Variants in GPD2 observed in about 807,000 individuals in gnomAD.
The protein encoded by GPD2 is glycerol-3-phosphate dehydrogenase 2, also known as glycerol-3-phosphate dehydrogenase, mitochondrial.
GPD2 carries 54 observed loss-of-function variants against 82.4 expected under a neutral mutation model. That is an observed-to-expected ratio of 0.66 (90% confidence interval 0.53 to 0.82). The LOEUF is 0.82. Ranked by LOEUF, GPD2 falls within the 40% of genes least tolerant of loss-of-function variation. The pLI is 0.00. For synonymous variants in GPD2, 288 were observed against 306.1 expected (o/e 0.94, Z 0.62); for missense variants, 748 against 896.2 (o/e 0.83, Z 2.11).
In GPD2 at chr2:156,510,823, A is replaced by G. The variant is rs199507721; in HGVS notation, c.302A>G (p.Asp101Gly). The G allele has an allele frequency of 9.9e-5, 160 of 1,613,208 alleles. No homozygotes were observed. In the African/African-American group the frequency reaches 1.7e-3, roughly 17 times the overall value. ...CTAAAAACAGCCCTTGTAGAAAGAG[A>G]TGATTTCTCATCAGGGACCAGCAGC... Reference protein sequence around the residue: ...RGLKTALVERDDFSSGTSSRS... With the variant: ...RGLKTALVERGDFSSGTSSRS... Residue 101 changes from aspartate (D) to glycine (G), a missense_variant, in exon 4 of 17, where the codon GAT (aspartate) becomes GGT (glycine). By Grantham distance (94) the Asp-to-Gly change is moderately conservative (BLOSUM62 -1). This residue lies in a region of GPD2 where 692 missense variants were observed against 809.7 expected (regional missense o/e 0.85). Transcript: ENST00000438166.
intron 1 of GPD2, among the ~76,000 whole-genome samples, chr2:156,442,067 TG>T (rs1682194595): frequency 6.6e-6 from 1 of 152,230 alleles, no homozygotes; most frequent in Admixed American, 6.5e-5. Flanking sequence ...TCAAGCCTTA[TG>T]TTTTTTGAAT....
At chr2:156,407,280 A>C in the GPD2 span, among the ~76,000 whole-genome samples, 1 of 152,190 alleles carries the variant, frequency 6.6e-6, no homozygotes, top group Non-Finnish European at 1.5e-5. Context: ...GGATATAAAC[A>C]TTGCAACTTT....
At chr2:156,549,210 C>A (rs926364482) in intron 6 of GPD2, among the ~76,000 whole-genome samples, 2 of 152,206 alleles carry the variant, frequency 1.3e-5, no homozygotes, top group African/African-American at 4.8e-5. Context: ...TGTTCATCAA[C>A]ACCAGTTGGG....
rs1029597506 is a variant in GPD2 at position 156,498,913 on chromosome 2, C to T, written c.274+2698C>T. Among the ~76,000 whole-genome samples the T allele has an allele frequency of 3.9e-5, 6 of 152,088 alleles. No individual in the cohort carries two copies. In the East Asian group the frequency reaches 1.2e-3, roughly 29 times the overall value. On this transcript the variant is annotated intron_variant, in intron 3 of 16. Coordinates refer to ENST00000438166, the MANE Select transcript of GPD2 (RefSeq NM_000408.5). ...GCTAGGGGAGAAGAACCTTAATATGCAAGTATTAGGTTGTCATTACTTTTA... is the reference window on the plus strand; with the variant it reads ...GCTAGGGGAGAAGAACCTTAATATGTAAGTATTAGGTTGTCATTACTTTTA...
At position 156,583,396 on chromosome 2, in the gene GPD2, T is replaced by TA. The variant is rs1230191746; in HGVS notation, c.*479dup. The TA allele has an allele frequency of 5.6e-6, 1 of 179,508 alleles. No homozygotes were observed. The highest frequency in any genetic ancestry group is 5.5e-5 in the Admixed American group (1 of 18,250). The allele number at this position is 179,508 out of a possible 1,614,324, so 11.1% of individuals were successfully genotyped here. On this transcript the variant is annotated 3_prime_UTR_variant, in exon 17 of 17. Coordinates refer to ENST00000438166, the MANE Select transcript of GPD2 (RefSeq NM_000408.5). Reference sequence around the variant, plus strand: ...GACAGCATGTGTTATTAAAAAGAGTTACCTATTGAAATGATAGTGTTTCTG... The same window carrying TA: ...GACAGCATGTGTTATTAAAAAGAGTTAACCTATTGAAATGATAGTGTTTCTG...
chr2:156,407,466 T>G, the GPD2 span, among the ~76,000 whole-genome samples: 2 of 152,212 alleles, frequency 1.3e-5, no homozygotes, highest in Admixed American at 1.3e-4. Context: ...TTTTAGTGGC[T>G]CTATGTTCAT....
chr2:156,434,840 A>C (rs1322384011), upstream of GPD2, among the ~76,000 whole-genome samples: 1 of 152,224 alleles, frequency 6.6e-6, no homozygotes, highest in Non-Finnish European at 1.5e-5. Context: ...TCTATGAATC[A>C]GGTCACTGGA....
the GPD2 span, among the ~76,000 whole-genome samples, chr2:156,408,554 C>G: frequency 4.7e-4 from 71 of 151,534 alleles, no homozygotes; most frequent in African/African-American, 1.7e-3. Flanking sequence ...AGGGAGACCA[C>G]CCCCTGCCCA....
chr2:156,548,415 A>T (rs1483336510), intron 6 of GPD2, among the ~76,000 whole-genome samples: 1 of 152,170 alleles, frequency 6.6e-6, no homozygotes. Flanking sequence ...GAGGTTTAAC[A>T]TAAGTTCTCC....
At chr2:156,449,421 A>G (rs1418493362) in intron 1 of GPD2, among the ~76,000 whole-genome samples, 1 of 152,164 alleles carries the variant, frequency 6.6e-6, no homozygotes, top group East Asian at 1.9e-4. Context: ...AATTAAATTA[A>G]AATTAATTAA....
the GPD2 span, among the ~76,000 whole-genome samples, chr2:156,415,741 G>C: frequency 6.6e-6 from 1 of 152,104 alleles, no homozygotes; most frequent in Non-Finnish European, 1.5e-5. Context: ...TATAATCCCA[G>C]CTACTCAGGA....
At chr2:156,540,582 T>G (rs1686269609) in intron 6 of GPD2, among the ~76,000 whole-genome samples, 1 of 152,242 alleles carries the variant, frequency 6.6e-6, no homozygotes. Context: ...TTTCTCAGGA[T>G]GCCAAATTTA....
Position 156,584,205 on chromosome 2 carries a change from G to C in GPD2, c.*1287G>C, listed in dbSNP as rs988434117. 6.6e-6 allele frequency: 1 copy of C among 151,972 alleles called. No individual in the cohort carries two copies. The highest frequency in any genetic ancestry group is 6.6e-5 in the Admixed American group (1 of 15,228). The allele number at this position is 151,972 out of a possible 1,614,324, so 9.4% of individuals were successfully genotyped here. A position where few individuals can be genotyped will look rare whatever the true frequency, so the allele number is the denominator to read the frequency against. On this transcript the variant is annotated 3_prime_UTR_variant, in exon 17 of 17. Coordinates refer to ENST00000438166, the MANE Select transcript of GPD2 (RefSeq NM_000408.5). ...TTTGGGATGCTTTTGCTACATTTTG[G>C]TGGCATTTTAACTAGTTATCTGAAT...
chr2:156,495,644 C>T lies in GPD2; in HGVS notation c.103-400C>T, dbSNP rs1301364315. 8.9e-6 allele frequency: 4 copies of T among 447,976 alleles called. 1 individual carries two copies. The highest frequency in any genetic ancestry group is 5.1e-5 in the South Asian group (3 of 59,268). 27.8% of individuals were successfully genotyped at this position (447,976 alleles called of 1,614,324 possible). On this transcript the variant is annotated intron_variant, in intron 2 of 16. Transcript: ENST00000438166. ...GGAAAGACATGAAGTCCTTTTTCCTCCTCCTTCACCACTTTAATATGTCAT... is the reference window on the plus strand; with the variant it reads ...GGAAAGACATGAAGTCCTTTTTCCTTCTCCTTCACCACTTTAATATGTCAT...
intron 6 of GPD2, among the ~76,000 whole-genome samples, chr2:156,529,619 G>A (rs1422574380): frequency 1.3e-5 from 2 of 151,830 alleles, no homozygotes; most frequent in Admixed American, 6.6e-5. Context: ...TTTTGTATAA[G>A]CTGTAAGGAA....
chr2:156,450,292 A>C (rs1682509966), intron 1 of GPD2, among the ~76,000 whole-genome samples: 1 of 152,074 alleles, frequency 6.6e-6, no homozygotes, highest in African/African-American at 2.4e-5. Context: ...TGGGGTTTGG[A>C]GATTCTGAGA....
At chr2:156,535,817 G>A (rs904206101) in intron 6 of GPD2, among the ~76,000 whole-genome samples, 2 of 152,142 alleles carry the variant, frequency 1.3e-5, no homozygotes, top group African/African-American at 4.8e-5. Context: ...TCTTTAAAGC[G>A]GTGTTAGAGA....
At chr2:156,523,797 G>A (rs922815725) in intron 6 of GPD2, among the ~76,000 whole-genome samples, 1 of 152,084 alleles carries the variant, frequency 6.6e-6, no homozygotes, top group African/African-American at 2.4e-5. Flanking sequence ...TCCCACCTTG[G>A]CCTCCCGAAG....
chr2:156,441,417 G>A (rs1174726360), intron 1 of GPD2, among the ~76,000 whole-genome samples: 1 of 152,084 alleles, frequency 6.6e-6, no homozygotes, highest in East Asian at 1.9e-4. Flanking sequence ...AAACTAGCCA[G>A]GTGTGGTGGT....
Sources: allele counts gnomAD v4.1 joint callset (sites outside exome capture counted in the v4.1 genomes callset), GRCh38; gene constraint gnomAD v4.1.1; regional missense constraint gnomAD v4.1.1; transcripts MANE v1.5; gene names NCBI Gene and HGNC (gene_info 2026-07-23, HGNC 2026-07-21).